CDH22: variants seen among roughly 807,000 people sequenced by gnomAD.
The protein encoded by CDH22 is cadherin-22.
A neutral mutation model predicts 58.4 loss-of-function variants in CDH22; 30 were observed. The ratio of observed to expected loss-of-function variants is 0.51; its 90% confidence interval spans 0.38 to 0.70. The LOEUF (loss-of-function observed/expected upper bound fraction) is 0.70, where lower values mean the gene tolerates loss of function less well. Among genes scored for constraint, CDH22 ranks in the 30% least tolerant of loss-of-function variants. The pLI is 0.00. For missense variants in CDH22, 1,014 were observed against 1,233.9 expected, an observed-to-expected ratio of 0.82 and a Z score of 2.67; for synonymous variants, 513 against 558.2, an observed-to-expected ratio of 0.92 and a Z score of 1.14.
intron 3 of CDH22, among the ~76,000 whole-genome samples, chr20:46,232,479 G>A (rs1302483259): frequency 6.6e-6 from 1 of 152,192 alleles, no homozygotes; most frequent in African/African-American, 2.4e-5. Flanking sequence ...CTTTGGAAAA[G>A]AACAGAGTTC....
chr20:46,301,214 C>T (rs1186586420), intron 1 of CDH22, among the ~76,000 whole-genome samples: 1 of 151,888 alleles, frequency 6.6e-6, no homozygotes, highest in Non-Finnish European at 1.5e-5. Context: ...TTTACACACA[C>T]ACACATACAC....
chr20:46,270,792 G>C (rs1006308631), intron 1 of CDH22, among the ~76,000 whole-genome samples: 2 of 152,188 alleles, frequency 1.3e-5, no homozygotes, highest in African/African-American at 2.4e-5. Context: ...TCATCATGTA[G>C]ATGATATTTA....
At chr20:46,257,886 G>A (rs1213970521) in intron 1 of CDH22, among the ~76,000 whole-genome samples, 1 of 152,190 alleles carries the variant, frequency 6.6e-6, no homozygotes, top group Non-Finnish European at 1.5e-5. Flanking sequence ...AACAGCAAGA[G>A]ACTGACAGAG....
chr20:46,286,969 T>C (rs899087594), intron 1 of CDH22, among the ~76,000 whole-genome samples: 1 of 152,180 alleles, frequency 6.6e-6, no homozygotes, highest in African/African-American at 2.4e-5. Flanking sequence ...CTCTTATTCA[T>C]TTATTCATCC....
intron 1 of CDH22, among the ~76,000 whole-genome samples, chr20:46,296,538 G>A (rs2086629786): frequency 6.6e-6 from 1 of 152,232 alleles, no homozygotes; most frequent in African/African-American, 2.4e-5. Context: ...GGTTCGCAAA[G>A]GGCTGAAACA....
chr20:46,269,109 G>T (rs1346900347), intron 1 of CDH22, among the ~76,000 whole-genome samples: 1 of 152,190 alleles, frequency 6.6e-6, no homozygotes, highest in Non-Finnish European at 1.5e-5. Context: ...GACACTGACT[G>T]CCCTCTGTGA....
In CDH22 at chr20:46,216,238, C is replaced by G. The variant is rs2086084335; in HGVS notation, c.838+588G>C. On this transcript the variant is annotated intron_variant, in intron 5 of 11. Coordinates refer to ENST00000537909, the MANE Select transcript of CDH22 (RefSeq NM_021248.3). This position sits in a 1 kb window ranked among gnomAD's most constrained non-coding sequence, Gnocchi z 5.3. The stretch of plus-strand genomic sequence containing the variant: ...AGGCTGGGCCGGAGACATCCCCCAA[C>G]CCCCGCTGTGCCAGCAGAGGCAGAG... 6.6e-6 allele frequency among the ~76,000 whole-genome samples: 1 copy of G among 152,186 alleles called. No homozygotes were observed. The highest frequency in any genetic ancestry group is 1.5e-5 in the Non-Finnish European group (1 of 68,028).
chr20:46,236,564 A>T (rs60821884), intron 3 of CDH22, among the ~76,000 whole-genome samples: 1 of 141,006 alleles, frequency 7.1e-6, no homozygotes, highest in East Asian at 2.0e-4. Context: ...TATAAAAATA[A>T]ATATATATTA....
chr20:46,223,756 TTTTCTTTC>T (rs201681278), intron 4 of CDH22, among the ~76,000 whole-genome samples: 2 of 148,782 alleles, frequency 1.3e-5, no homozygotes, highest in Non-Finnish European at 1.5e-5. Flanking sequence ...TCCTCTTTCT[TTTTCTTTC>T]TTTCTTTCTT....
At chr20:46,236,010 C>G (rs1219864883) in intron 3 of CDH22, among the ~76,000 whole-genome samples, 2 of 152,196 alleles carry the variant, frequency 1.3e-5, no homozygotes, top group Non-Finnish European at 2.9e-5. Flanking sequence ...TATTCTCCCA[C>G]TCACTCACTT....
chr20:46,303,071 C>T lies in CDH22; in HGVS notation c.-400+5184G>A, dbSNP rs925841750. Among the ~76,000 whole-genome samples, 5 of 152,168 alleles carry T rather than the reference C, an allele frequency of 3.3e-5. No individual in the cohort carries two copies. The East Asian group carries it at 5.8e-4, about 18-fold the overall frequency. On this transcript the variant is annotated intron_variant, in intron 1 of 11. Coordinates refer to ENST00000537909, the MANE Select transcript of CDH22 (RefSeq NM_021248.3). The stretch of plus-strand genomic sequence containing the variant: ...TGCTGAAAACCTGTGCGTGGCTCCC[C>T]GCTGCTCTCGGGATGAAGGCCAAGC...
chr20:46,193,207 C>T (rs1403258981), intron 8 of CDH22, among the ~76,000 whole-genome samples: 1 of 152,116 alleles, frequency 6.6e-6, no homozygotes, highest in Non-Finnish European at 1.5e-5. Context: ...TCTTTGTTCC[C>T]CTTGGGGTCC....
At chr20:46,230,696 C>G (rs1005153299) in intron 3 of CDH22, among the ~76,000 whole-genome samples, 4 of 152,072 alleles carry the variant, frequency 2.6e-5, no homozygotes, top group African/African-American at 9.7e-5. Context: ...TTCAGATAAG[C>G]TTTTAATATT....
chr20:46,254,622 A>AT (rs2145741756), intron 1 of CDH22, among the ~76,000 whole-genome samples: 1 of 152,158 alleles, frequency 6.6e-6, no homozygotes, highest in African/African-American at 2.4e-5. Flanking sequence ...TGGGGGACAC[A>AT]GATAATAGAG....
intron 8 of CDH22, 87 bp from the exon 9 acceptor site, chr20:46,187,034 A>C: frequency 7.2e-7 from 1 of 1,382,816 alleles, no homozygotes. Flanking sequence ...AATAGTAGGC[A>C]GTGGGGTCAT....
intron 2 of CDH22, among the ~76,000 whole-genome samples, chr20:46,250,283 G>A (rs562660247): frequency 2.0e-5 from 3 of 152,282 alleles, no homozygotes; most frequent in Non-Finnish European, 4.4e-5. Context: ...ATTTCGCGGC[G>A]AGCAAAACAA....
chr20:46,245,433 T>C (rs1761539916), intron 2 of CDH22, among the ~76,000 whole-genome samples: 1 of 152,204 alleles, frequency 6.6e-6, no homozygotes, highest in Admixed American at 6.5e-5. Flanking sequence ...CCTCAAGGTA[T>C]GGACTAAGTT....
chr20:46,278,357 G>A (rs1315232904), intron 1 of CDH22, among the ~76,000 whole-genome samples: 1 of 152,054 alleles, frequency 6.6e-6, no homozygotes, highest in Non-Finnish European at 1.5e-5. Context: ...CCCCACCTCT[G>A]CCCCAGGCCT....
intron 1 of CDH22, among the ~76,000 whole-genome samples, chr20:46,303,428 C>T (rs2086661042): frequency 6.6e-6 from 1 of 152,212 alleles, no homozygotes; most frequent in Admixed American, 6.5e-5. Flanking sequence ...TCATCTTCCT[C>T]CCTGGACCAC....
Sources: allele counts gnomAD v4.1 joint callset (sites outside exome capture counted in the v4.1 genomes callset), GRCh38; gene constraint gnomAD v4.1.1; non-coding constraint Gnocchi (gnomAD v3.1); transcripts MANE v1.5; gene names NCBI Gene and HGNC (gene_info 2026-07-23, HGNC 2026-07-21).